Variants in CFAP299 observed in about 807,000 individuals in gnomAD.
CFAP299 encodes the protein cilia and flagella associated protein 299, also known as cilia- and flagella-associated protein 299.
In CFAP299, 21 loss-of-function variants were observed where a neutral mutation model predicts 27.0. That is an observed-to-expected ratio of 0.78 (90% CI 0.55 to 1.12). CFAP299 has a LOEUF of 1.12. Ranked by LOEUF, CFAP299 falls within the 50% of genes most tolerant of loss-of-function variation. The probability of loss-of-function intolerance (pLI) is 0.00; values close to 1 mark genes in which losing one functional copy is unlikely to be tolerated. For synonymous variants in CFAP299, 104 were observed against 98.1 expected (o/e 1.06, Z -0.36); for missense variants, 310 against 276.6 (o/e 1.12, Z -0.86).
intron 3 of CFAP299, among the ~76,000 whole-genome samples, chr4:80,830,622 G>C (rs1730250384): frequency 6.6e-6 from 1 of 152,048 alleles, no homozygotes; most frequent in African/African-American, 2.4e-5. Context: ...TCAAGGGCAG[G>C]AGTTGGACAT....
chr4:80,527,532 G>A (rs1733251999), intron 2 of CFAP299, among the ~76,000 whole-genome samples: 1 of 152,060 alleles, frequency 6.6e-6, no homozygotes, highest in African/African-American at 2.4e-5. Context: ...AGAGGATAGT[G>A]AGCAAAGGCA....
intron 3 of CFAP299, among the ~76,000 whole-genome samples, chr4:80,824,810 A>G (rs551454416): frequency 4.4e-4 from 67 of 152,256 alleles, no homozygotes; most frequent in Non-Finnish European, 8.2e-4. Context: ...AGAAAGTTTT[A>G]TCTCTAGTTT....
chr4:80,608,033 G>A (rs539472501), intron 3 of CFAP299, among the ~76,000 whole-genome samples: 20 of 152,132 alleles, frequency 1.3e-4, no homozygotes, highest in South Asian at 8.3e-4. Context: ...AAAGCATTTC[G>A]TAGCCAAAGT....
At chr4:80,912,847 C>T (rs978254766) in intron 4 of CFAP299, among the ~76,000 whole-genome samples, 3 of 152,146 alleles carry the variant, frequency 2.0e-5, no homozygotes, top group Non-Finnish European at 2.9e-5. Context: ...CCAGGAAGAA[C>T]CCAGAGGCCT....
chr4:80,686,940 A>G (rs903476321), intron 3 of CFAP299, among the ~76,000 whole-genome samples: 2 of 152,156 alleles, frequency 1.3e-5, no homozygotes, highest in Non-Finnish European at 2.9e-5. Context: ...AATTAGATGT[A>G]TTCCCTCTAA....
chr4:80,387,146 A>G, intron 2 of CFAP299: 3 of 1,386,958 alleles, frequency 2.2e-6, no homozygotes, highest in Non-Finnish European at 3.1e-6. Flanking sequence ...ACACTTGTAG[A>G]CGGCACTGCC....
chr4:80,887,188 G>A (rs772984966), intron 4 of CFAP299, among the ~76,000 whole-genome samples: 2 of 152,154 alleles, frequency 1.3e-5, no homozygotes, highest in South Asian at 4.1e-4. Flanking sequence ...ATCAGAGAAC[G>A]TCCCAAACCT....
At chr4:80,692,075 C>T (rs1024582627) in intron 3 of CFAP299, among the ~76,000 whole-genome samples, 12 of 152,176 alleles carry the variant, frequency 7.9e-5, no homozygotes, top group African/African-American at 2.9e-4. Context: ...GCATTCTATG[C>T]TCATAGGTAG....
chr4:80,434,453 C>T (rs1328971207), intron 2 of CFAP299, among the ~76,000 whole-genome samples: 1 of 152,090 alleles, frequency 6.6e-6, no homozygotes, highest in Non-Finnish European at 1.5e-5. Context: ...CTTTCCTCAT[C>T]CTGCTGCTTT....
At chr4:80,652,307 C>T (rs772478355) in intron 3 of CFAP299, among the ~76,000 whole-genome samples, 1 of 151,792 alleles carries the variant, frequency 6.6e-6, no homozygotes, top group African/African-American at 2.4e-5. Flanking sequence ...TTTTTATGAA[C>T]AATATTTTAT....
intron 3 of CFAP299, among the ~76,000 whole-genome samples, chr4:80,641,669 C>T (rs961767086): frequency 1.3e-5 from 2 of 152,116 alleles, no homozygotes; most frequent in African/African-American, 4.8e-5. Context: ...AAGGAATTGA[C>T]GTACAGCTTA....
intron 2 of CFAP299, among the ~76,000 whole-genome samples, chr4:80,491,186 T>C (rs1353896947): frequency 1.3e-5 from 2 of 152,134 alleles, no homozygotes; most frequent in Non-Finnish European, 2.9e-5. Context: ...TTTTATGTAA[T>C]GATTATTTTA....
At chr4:80,562,431 C>G (rs1735079065) in intron 2 of CFAP299, among the ~76,000 whole-genome samples, 1 of 151,966 alleles carries the variant, frequency 6.6e-6, no homozygotes, top group South Asian at 2.1e-4. Flanking sequence ...AGCCCTGTCT[C>G]TACCAAAAAT....
At chr4:80,372,087 G>T (rs1033295828) in intron 2 of CFAP299, among the ~76,000 whole-genome samples, 7 of 152,198 alleles carry the variant, frequency 4.6e-5, no homozygotes, top group Admixed American at 1.3e-4. Context: ...ATAGGAAACA[G>T]GGCAACATTT....
intron 4 of CFAP299, among the ~76,000 whole-genome samples, chr4:80,929,476 CT>C (rs1736486523): frequency 6.6e-6 from 1 of 152,194 alleles, no homozygotes; most frequent in Non-Finnish European, 1.5e-5. Flanking sequence ...TATCCAGTCT[CT>C]ATGGTACCCA....
intron 3 of CFAP299, among the ~76,000 whole-genome samples, chr4:80,806,922 T>G (rs2110113891): frequency 6.6e-6 from 1 of 152,322 alleles, no homozygotes; most frequent in Middle Eastern, 3.4e-3. Context: ...TTTAAAGATG[T>G]TAGTTTTTCT....
At chr4:80,847,283 A>G (rs139244631) in intron 3 of CFAP299, among the ~76,000 whole-genome samples, 218 of 152,072 alleles carry the variant, frequency 1.4e-3, no homozygotes, top group African/African-American at 4.5e-3. Context: ...CCAGTATAAA[A>G]CTCTAGCAAG....
intron 2 of CFAP299, among the ~76,000 whole-genome samples, chr4:80,495,595 C>T (rs1475165566): frequency 1.3e-5 from 2 of 152,078 alleles, no homozygotes; most frequent in Non-Finnish European, 2.9e-5. Context: ...TGAGGCCAGG[C>T]GTTTGAGATC....
the CFAP299 span, among the ~76,000 whole-genome samples, chr4:80,325,532 T>C: frequency 5.3e-5 from 8 of 152,364 alleles, no homozygotes; most frequent in African/African-American, 1.9e-4. Context: ...TACATAAGTT[T>C]ATTTTCTACA....
Sources: gnomAD v4.1 joint callset for allele counts (sites outside exome capture counted in the v4.1 genomes callset) on GRCh38, gnomAD v4.1.1 for gene constraint, MANE v1.5 for transcripts, NCBI Gene and HGNC (gene_info 2026-07-23, HGNC 2026-07-21) for gene names.